The following HACE1 variants were observed in gnomAD, a reference collection of about 807,000 sequenced individuals.
HACE1 encodes the protein E3 ubiquitin-protein ligase HACE1.
In HACE1, 73 loss-of-function variants were observed where a neutral mutation model predicts 118.4. The ratio of observed to expected loss-of-function variants is 0.62; its 90% CI spans 0.51 to 0.75. The LOEUF (loss-of-function observed/expected upper bound fraction) is 0.75, where lower values mean the gene tolerates loss of function less well. Ranked by LOEUF, HACE1 falls within the 30% of genes least tolerant of loss-of-function variation. The pLI, the probability that HACE1 is intolerant of heterozygous loss-of-function variation, is 0.00. For synonymous variants in HACE1, 368 were observed against 374.8 expected (o/e 0.98, Z 0.21); for missense variants, 749 against 1,102.2 (o/e 0.68, Z 4.54).
intron 6 of HACE1, among the ~76,000 whole-genome samples, chr6:104,831,992 A>AAGAGAAGAGAAGAGAAGAG (rs1562471497): frequency 9.1e-6 from 1 of 110,116 alleles, no homozygotes; most frequent in Non-Finnish European, 1.9e-5. Flanking sequence ...GGAAGGAAGG[A>AAGAGAAGAGAAGAGAAGAG]AGGAAGGAAG....
At chr6:104,773,499 A>T (rs997400209) in intron 17 of HACE1, among the ~76,000 whole-genome samples, 2 of 152,230 alleles carry the variant, frequency 1.3e-5, no homozygotes, top group African/African-American at 4.8e-5. Context: ...ATTCACTGTC[A>T]TGAAGCAAGA....
intron 11 of HACE1, chr6:104,785,986 T>A (rs1335607158): frequency 6.6e-6 from 1 of 152,166 alleles, no homozygotes; most frequent in Non-Finnish European, 1.5e-5. Context: ...AATCCATTTC[T>A]AATAATTAGT....
At chr6:104,800,579 G>T (rs1770219537) in intron 7 of HACE1, among the ~76,000 whole-genome samples, 4 of 152,186 alleles carry the variant, frequency 2.6e-5, no homozygotes, top group African/African-American at 9.6e-5. Context: ...CAGGCAAACA[G>T]GGTCTGGAAT....
At chr6:104,761,394 C>G (rs989711765) in intron 19 of HACE1, among the ~76,000 whole-genome samples, 5 of 152,288 alleles carry the variant, frequency 3.3e-5, no homozygotes, top group Non-Finnish European at 7.3e-5. Context: ...AGTAACACCA[C>G]ACATCTACCA....
chr6:104,843,870 A>C (rs1404322956), intron 4 of HACE1, among the ~76,000 whole-genome samples: 5 of 151,158 alleles, frequency 3.3e-5, no homozygotes, highest in African/African-American at 1.2e-4. Flanking sequence ...TGCCATCATA[A>C]CTTTTTTTTT....
chr6:104,857,022 T>C lies in HACE1; in HGVS notation c.76+2545A>G, dbSNP rs1393770495. On this transcript the variant is annotated intron_variant, in intron 1 of 23. Coordinates refer to ENST00000262903, the MANE Select transcript of HACE1 (RefSeq NM_020771.4). ...ATAGTTTGTTGTAATTAGATGCTTA[T>C]TGATTACTGAATTCTAACAAAGCAA... Among the ~76,000 whole-genome samples the C allele has an allele frequency of 3.9e-5, 6 of 152,150 alleles. No homozygotes were observed. In the East Asian group the frequency reaches 7.7e-4, roughly 20 times the overall value.
intron 5 of HACE1, among the ~76,000 whole-genome samples, chr6:104,838,654 G>C (rs942852239): frequency 6.6e-6 from 1 of 152,012 alleles, no homozygotes; most frequent in African/African-American, 2.4e-5. Flanking sequence ...AAGCTTTCTT[G>C]AGTAATACCC....
intron 6 of HACE1, among the ~76,000 whole-genome samples, chr6:104,827,477 T>G (rs1247548525): frequency 1.3e-5 from 2 of 152,156 alleles, no homozygotes; most frequent in African/African-American, 4.8e-5. Flanking sequence ...TTTGAATTCT[T>G]ACATAGTATC....
At chr6:104,786,559 A>G (rs1237169464) in intron 11 of HACE1, 1 of 148,578 alleles carries the variant, frequency 6.7e-6, no homozygotes, top group Non-Finnish European at 1.5e-5. Context: ...AGCTGTGATC[A>G]TGTCACTATA....
Position 104,729,784 on chromosome 6 carries a change from C to T in HACE1, c.2628-20G>A. 1.0e-6 allele frequency: 1 copy of T among 964,368 alleles called. No individual in the cohort carries two copies. The highest frequency in any genetic ancestry group is 2.4e-5 in the East Asian group (1 of 41,966). The allele number at this position is 964,368 out of a possible 1,614,324, so 59.7% of individuals were successfully genotyped here. A position where few individuals can be genotyped will look rare whatever the true frequency, so the allele number is the denominator to read the frequency against. The stretch of plus-strand genomic sequence containing the variant: ...TTGATGCTTTAAAAGAAAAATATAC[C>T]ACCATTAAACAGGAAATCTATAAAA... On this transcript the variant is annotated intron_variant, in intron 23 of 23. Coordinates refer to ENST00000262903, the MANE Select transcript of HACE1 (RefSeq NM_020771.4).
At chr6:104,792,632 A>G (rs1783145213) in intron 10 of HACE1, among the ~76,000 whole-genome samples, 1 of 152,296 alleles carries the variant, frequency 6.6e-6, no homozygotes, top group East Asian at 1.9e-4. Flanking sequence ...AAAAGGGTGA[A>G]GGTCATGATC....
At chr6:104,750,195 C>G (rs7770809) in intron 20 of HACE1, 146 bp downstream of exon 20, 2 of 676,658 alleles carry the variant, frequency 3.0e-6, no homozygotes, top group South Asian at 1.9e-5. Context: ...AATTTTATAT[C>G]AAATCTCTAA....
At chr6:104,778,899 C>A (rs528961431) in intron 14 of HACE1, among the ~76,000 whole-genome samples, 1 of 152,160 alleles carries the variant, frequency 6.6e-6, no homozygotes, top group Non-Finnish European at 1.5e-5. Flanking sequence ...CCATAACCTA[C>A]CCCCACACTC....
intron 2 of HACE1, 98 bp downstream of exon 2, chr6:104,852,219 G>GTA: frequency 1.4e-6 from 1 of 711,344 alleles, no homozygotes; most frequent in East Asian, 2.6e-5. Context: ...GTGTGTGTGT[G>GTA]TGTGTGTGTG....
At chr6:104,833,709 G>A (rs555802603) in intron 5 of HACE1, among the ~76,000 whole-genome samples, 6 of 152,054 alleles carry the variant, frequency 3.9e-5, no homozygotes, top group Admixed American at 6.6e-5. Context: ...CTGGGCAGCC[G>A]GGCACGGTAG....
chr6:104,802,444 T>C (rs1345252140), intron 7 of HACE1, among the ~76,000 whole-genome samples: 1 of 152,154 alleles, frequency 6.6e-6, no homozygotes, highest in African/African-American at 2.4e-5. Context: ...ACACTTATTC[T>C]AAAATTGACC....
chr6:104,788,955 T>C lies in HACE1; in HGVS notation c.1074+2549A>G, dbSNP rs1272837979. Among the ~76,000 whole-genome samples the C allele has an allele frequency of 2.6e-5, 4 of 152,272 alleles. No individual in the cohort carries two copies. In the East Asian group the frequency reaches 5.8e-4, roughly 22 times the overall value. ...TTAATGGAAAACCCATTAGTTAATT[T>C]GAACAATAAAGTAGCATTAGAGTAC... On this transcript the variant is annotated intron_variant, in intron 11 of 23. Coordinates refer to ENST00000262903, the MANE Select transcript of HACE1 (RefSeq NM_020771.4).
chr6:104,833,974 A>G (rs1201146724), intron 5 of HACE1, among the ~76,000 whole-genome samples: 1 of 150,928 alleles, frequency 6.6e-6, no homozygotes, highest in Admixed American at 6.6e-5. Flanking sequence ...ACACAGTAAG[A>G]CTCCGTCTCA....
intron 14 of HACE1, among the ~76,000 whole-genome samples, chr6:104,783,400 C>T (rs1781955285): frequency 2.0e-5 from 3 of 152,210 alleles, no homozygotes; most frequent in Admixed American, 2.0e-4. Context: ...AGTTTTCTAT[C>T]TCCAAAACAA....
Sources: gnomAD v4.1 joint callset for allele counts (sites outside exome capture counted in the v4.1 genomes callset) on GRCh38, gnomAD v4.1.1 for gene constraint, MANE v1.5 for transcripts, NCBI Gene and HGNC (gene_info 2026-07-23, HGNC 2026-07-21) for gene names.